LRRFIP1: variants seen among roughly 807,000 people sequenced by gnomAD.
LRRFIP1 encodes leucine-rich repeat flightless-interacting protein 1.
In LRRFIP1, 62 loss-of-function variants were observed where a neutral mutation model predicts 104.4. The observed-to-expected ratio is 0.59, with a 90% CI of 0.48 to 0.73. The LOEUF (loss-of-function observed/expected upper bound fraction) is 0.73, where lower values mean the gene tolerates loss of function less well. Ranked by LOEUF, LRRFIP1 falls within the 30% of genes least tolerant of loss-of-function variation. LRRFIP1 has a pLI of 0.00. For missense variants in LRRFIP1, 796 were observed against 824.5 expected, an observed-to-expected ratio of 0.97 and a Z score of 0.42; for synonymous variants, 300 against 299.0, an observed-to-expected ratio of 1.00 and a Z score of -0.03.
intron 1 of LRRFIP1, among the ~76,000 whole-genome samples, chr2:237,654,447 G>T (rs1271720025): frequency 6.6e-6 from 1 of 152,184 alleles, no homozygotes; most frequent in Non-Finnish European, 1.5e-5. Flanking sequence ...GTAGAAAACA[G>T]TATGGAAATT....
intron 11 of LRRFIP1, among the ~76,000 whole-genome samples, chr2:237,744,667 T>C (rs1005137402): frequency 6.6e-6 from 1 of 152,286 alleles, no homozygotes; most frequent in East Asian, 1.9e-4. Flanking sequence ...AGATTTTCAA[T>C]GATGTCTGTA....
chr2:237,751,681 A>G (rs887849863), intron 14 of LRRFIP1, among the ~76,000 whole-genome samples: 1 of 152,260 alleles, frequency 6.6e-6, no homozygotes, highest in Non-Finnish European at 1.5e-5. Flanking sequence ...TCTGATGTCT[A>G]CTAATAAGGC....
chr2:237,736,597 G>A (rs1289163416), intron 10 of LRRFIP1, among the ~76,000 whole-genome samples: 1 of 152,204 alleles, frequency 6.6e-6, no homozygotes, highest in Non-Finnish European at 1.5e-5. Flanking sequence ...TCACGTCTGA[G>A]ATGGGCTTCG....
intron 19 of LRRFIP1, chr2:237,763,349 G>A: frequency 6.2e-7 from 1 of 1,614,104 alleles, no homozygotes; most frequent in Non-Finnish European, 8.5e-7. Flanking sequence ...TGAACCCTTA[G>A]ATATGAAAGA....
At chr2:237,758,858 G>GA (rs3215064) in intron 18 of LRRFIP1, 37 bp downstream of exon 18, 535,652 of 1,472,836 alleles carry the variant, frequency 0.36, 98,547 homozygotes, top group East Asian at 0.51. Flanking sequence ...TAAAAAAAAA[G>GA]AAAAAAAATC....
intron 1 of LRRFIP1, among the ~76,000 whole-genome samples, chr2:237,675,433 C>T (rs917326643): frequency 4.6e-5 from 7 of 152,290 alleles, no homozygotes; most frequent in African/African-American, 1.2e-4. Flanking sequence ...TCGTTACATG[C>T]GTTTAAAAAT....
rs112958351 is a variant in LRRFIP1, at chr2:237,649,846, CA to C, written c.96+22117del. Among the ~76,000 whole-genome samples, 1,196 of 144,634 alleles carry C rather than the reference CA, an allele frequency of 8.3e-3. 16 individuals are homozygous for C. The highest frequency in any genetic ancestry group is 0.028 in the African/African-American group (1,139 of 40,330). 94.9% of individuals were successfully genotyped at this position (144,634 alleles called of 152,430 possible). On this transcript the variant is annotated intron_variant, in intron 1 of 23. Transcript: ENST00000308482. This position sits in a 1 kb window ranked among gnomAD's most constrained non-coding sequence, Gnocchi z 4.1. ...TGTATTCACTTTTCCTCCGATTCAA[CA>C]AAAAAAAAAATTGATTACCCCCCGG...
chr2:237,692,390 C>A, intron 1 of LRRFIP1: 1 of 1,411,026 alleles, frequency 7.1e-7, no homozygotes, highest in South Asian at 1.5e-5. Flanking sequence ...TGGCCCGGCC[C>A]GCGAGGGGCT....
intron 1 of LRRFIP1, among the ~76,000 whole-genome samples, chr2:237,669,665 G>A (rs975976742): frequency 2.6e-5 from 4 of 152,116 alleles, no homozygotes; most frequent in African/African-American, 4.8e-5. Flanking sequence ...AGGCCGTCAC[G>A]GTTTGTTGAG....
chr2:237,695,081 G>A (rs77578389), intron 1 of LRRFIP1, among the ~76,000 whole-genome samples: 2,992 of 152,296 alleles, frequency 0.02, 92 homozygotes, highest in African/African-American at 0.068. Context: ...AGCTCAGTCT[G>A]AGATGGTGGA....
At chr2:237,748,520 C>T (rs1289908486) in intron 12 of LRRFIP1, 121 bp downstream of exon 12, 49 of 896,048 alleles carry the variant, frequency 5.5e-5, no homozygotes, top group South Asian at 5.1e-4. Flanking sequence ...GACTAGAAAG[C>T]GGCCCACCTA....
Position 237,760,141 on chromosome 2 carries a change from A to G in LRRFIP1, c.1395A>G (p.Gln465=), listed in dbSNP as rs1358302767. 2 of 1,614,036 alleles carry G rather than the reference A, an allele frequency of 1.2e-6. No homozygotes were observed. Among genetic ancestry groups the G allele is most frequent in the East Asian group, 2.2e-5 (1 of 44,892 alleles). ...ACACCCTCAATAATGTTGGATACCA[A>G]GGTCCTACCAAGATGACAAAAGAAG... is the stretch of plus-strand genomic sequence containing the variant. ...TSDTLNNVGY[Q]GPTKMTKEEL... is the part of the protein sequence containing the mutation. Residue 465 remains glutamine (Q), a synonymous_variant, in exon 19 of 24, where the codon CAA becomes CAG. Transcript: ENST00000308482.
At chr2:237,723,408 GA>G in intron 6 of LRRFIP1, 139 bp from the exon 7 acceptor site, 1 of 785,910 alleles carries the variant, frequency 1.3e-6, no homozygotes, top group East Asian at 2.6e-5. Context: ...ATACATATTA[GA>G]TCCTAGAAAT....
chr2:237,728,134 C>T (rs1336905270), intron 8 of LRRFIP1, among the ~76,000 whole-genome samples, 199 bp downstream of exon 8: 2 of 151,942 alleles, frequency 1.3e-5, no homozygotes, highest in African/African-American at 4.8e-5. Context: ...GAATGTTAGC[C>T]CTCCAACATT....
At chr2:237,629,054 G>A (rs533261700) in intron 1 of LRRFIP1, among the ~76,000 whole-genome samples, 3 of 152,150 alleles carry the variant, frequency 2.0e-5, no homozygotes, top group Non-Finnish European at 4.4e-5. Context: ...GCCCGCGCCT[G>A]GCATGGCAGT....
chr2:237,777,574 G>A (rs944762871), intron 23 of LRRFIP1, among the ~76,000 whole-genome samples: 8 of 151,982 alleles, frequency 5.3e-5, no homozygotes, highest in African/African-American at 1.4e-4. Flanking sequence ...TTGTTTTAAC[G>A]GTCGGTCCTT....
At chr2:237,639,054 G>T (rs748144442) in intron 1 of LRRFIP1, among the ~76,000 whole-genome samples, 1 of 152,194 alleles carries the variant, frequency 6.6e-6, no homozygotes, top group Non-Finnish European at 1.5e-5. Context: ...TCATGGTAAA[G>T]AGCTAGAGCC....
intron 1 of LRRFIP1, among the ~76,000 whole-genome samples, chr2:237,670,356 C>T (rs2090140375): frequency 6.6e-6 from 1 of 152,144 alleles, no homozygotes; most frequent in Admixed American, 6.5e-5. Context: ...GCCAGATGTA[C>T]TAGGAGGCCC....
chr2:237,659,119 G>T (rs2087376889), intron 1 of LRRFIP1, among the ~76,000 whole-genome samples: 1 of 151,674 alleles, frequency 6.6e-6, no homozygotes, highest in African/African-American at 2.4e-5. Flanking sequence ...AATGAGACAG[G>T]GTCTCGTTCC....
Sources: allele counts gnomAD v4.1 joint callset (sites outside exome capture counted in the v4.1 genomes callset), GRCh38; gene constraint gnomAD v4.1.1; non-coding constraint Gnocchi (gnomAD v3.1); transcripts MANE v1.5; gene names NCBI Gene and HGNC (gene_info 2026-07-23, HGNC 2026-07-21).